The following IPP variants were observed in gnomAD, a reference collection of about 807,000 sequenced individuals.
IPP encodes actin-binding protein IPP.
IPP carries 41 observed loss-of-function variants against 64.1 expected under a neutral mutation model. That is an observed-to-expected ratio of 0.64 (90% CI 0.50 to 0.83). The LOEUF (loss-of-function observed/expected upper bound fraction) is 0.83, where lower values mean the gene tolerates loss of function less well. Ranked by LOEUF, IPP falls within the 40% of genes least tolerant of loss-of-function variation. The pLI is 0.00. For synonymous variants in IPP, 214 were observed against 235.2 expected, an observed-to-expected ratio of 0.91 and a Z score of 0.83; for missense variants, 649 against 703.0, an observed-to-expected ratio of 0.92 and a Z score of 0.87.
intron 5 of IPP, among the ~76,000 whole-genome samples, chr1:45,724,428 G>T (rs1175230573): frequency 6.6e-6 from 1 of 151,914 alleles, no homozygotes; most frequent in Non-Finnish European, 1.5e-5. Flanking sequence ...GAGCGTCTCT[G>T]CCTGGCCGCC....
intron 3 of IPP, among the ~76,000 whole-genome samples, chr1:45,737,022 G>A (rs566660626): frequency 2.4e-5 from 3 of 124,844 alleles, no homozygotes; most frequent in East Asian, 2.3e-4. Flanking sequence ...CAGCCTGGGC[G>A]ACAGAGCGAG....
rs1274247344 is a variant in IPP, at chr1:45,699,994, C to T, written c.1727G>A (p.Arg576His). Residue 576 changes from arginine (R) to histidine (H), a missense_variant, in exon 9 of 9, where the codon CGT (arginine) becomes CAT (histidine). By Grantham distance (29) the Arg-to-His change is conservative (BLOSUM62 0). Coordinates refer to ENST00000396478, the MANE Select transcript of IPP (RefSeq NM_005897.3). ...WTEIGNMITS[R>H]CEGGVAVL ...TAGCACAGCAACGCCCCCTTCACAA[C>T]GACTGGTGATCATGTTACCAATTTC... 1.9e-6 allele frequency: 3 copies of T among 1,614,074 alleles called. No individual in the cohort carries two copies. The highest frequency in any genetic ancestry group is 1.3e-5 in the African/African-American group (1 of 74,922).
In IPP at chr1:45,709,432, C is replaced by CAAAA. The variant is rs71058701; in HGVS notation, c.1530+4810_1530+4813dup. ...TGGGCGACAGAGCAAGACTCCGTCT[C>CAAAA]AAAAAAAAAAAAAAAAAGAGAAGCT... On this transcript the variant is annotated intron_variant, in intron 8 of 8. Transcript: ENST00000396478. Among the ~76,000 whole-genome samples the CAAAA allele has an allele frequency of 1.5e-3, 97 of 66,150 alleles. 3 individuals carry two copies. Among genetic ancestry groups the CAAAA allele is most frequent in the African/African-American group, 3.3e-3 (43 of 13,128 alleles). The allele number at this position is 66,150 out of a possible 152,430, so 43.4% of individuals were successfully genotyped here. A position where few individuals can be genotyped will look rare whatever the true frequency, so the allele number is the denominator to read the frequency against.
At chr1:45,728,105 T>C (rs1645856063) in intron 4 of IPP, among the ~76,000 whole-genome samples, 1 of 150,716 alleles carries the variant, frequency 6.6e-6, no homozygotes. Context: ...TCTTTTTCAA[T>C]TAAAAATAGT....
intron 8 of IPP, among the ~76,000 whole-genome samples, chr1:45,704,068 G>C (rs1475485871): frequency 1.3e-5 from 2 of 152,078 alleles, no homozygotes; most frequent in African/African-American, 2.4e-5. Context: ...AAGCATAATT[G>C]TGTCAACCCA....
At chr1:45,721,330 T>A (rs1020399069) in intron 5 of IPP, among the ~76,000 whole-genome samples, 4 of 152,210 alleles carry the variant, frequency 2.6e-5, no homozygotes, top group Admixed American at 2.6e-4. Flanking sequence ...GAACACACGC[T>A]TTCCTTCTGA....
Position 45,699,337 on chromosome 1 carries a change from T to C in IPP, c.*629A>G. The C allele has an allele frequency of 1.0e-6, 1 of 985,256 alleles. No homozygotes were observed. Among genetic ancestry groups the C allele is most frequent in the Non-Finnish European group, 1.2e-6 (1 of 829,784 alleles). The allele number at this position is 985,256 out of a possible 1,614,324, so 61.0% of individuals were successfully genotyped here. On this transcript the variant is annotated 3_prime_UTR_variant, in exon 9 of 9. Coordinates refer to ENST00000396478, the MANE Select transcript of IPP (RefSeq NM_005897.3). Reference sequence around the variant, plus strand: ...TTCTCTGTGGCTCAAACTATGGCCATGGAAAATTATGCTCTGGATATAATT... The same window carrying C: ...TTCTCTGTGGCTCAAACTATGGCCACGGAAAATTATGCTCTGGATATAATT...
chr1:45,699,942 T>C lies in IPP; in HGVS notation c.*24A>G, dbSNP rs1645429681. On this transcript the variant is annotated 3_prime_UTR_variant, in exon 9 of 9. Coordinates refer to ENST00000396478, the MANE Select transcript of IPP (RefSeq NM_005897.3). ...AGGTCCTGCATTTTCAAAATGTTCCTTGTGCTCTGTTATGCTTTATATTTC... is the reference window on the plus strand; with the variant it reads ...AGGTCCTGCATTTTCAAAATGTTCCCTGTGCTCTGTTATGCTTTATATTTC... The C allele has an allele frequency of 6.2e-7, 1 of 1,610,142 alleles. No individual in the cohort carries two copies. The highest frequency in any genetic ancestry group is 1.3e-5 in the African/African-American group (1 of 74,924).
chr1:45,705,240 T>C (rs2148548733), intron 8 of IPP, among the ~76,000 whole-genome samples: 1 of 152,388 alleles, frequency 6.6e-6, no homozygotes. Flanking sequence ...GTACTCTAAG[T>C]GTGTACATCT....
At chr1:45,747,956 G>A (rs1305740074) in intron 1 of IPP, among the ~76,000 whole-genome samples, 1 of 151,140 alleles carries the variant, frequency 6.6e-6, no homozygotes, top group Non-Finnish European at 1.5e-5. Context: ...CAATGACAAT[G>A]GGTAATAAGA....
chr1:45,698,597 G>A (rs903612186), downstream of IPP: 6 of 780,350 alleles, frequency 7.7e-6, no homozygotes, highest in African/African-American at 1.1e-4. Context: ...TCTTACTTAG[G>A]TTTGCCCAAG....
intron 2 of IPP, among the ~76,000 whole-genome samples, chr1:45,745,538 G>A (rs936395888): frequency 1.3e-5 from 2 of 152,008 alleles, no homozygotes; most frequent in Admixed American, 1.3e-4. Flanking sequence ...ACTGAGACAA[G>A]ATTTTATTCA....
At chr1:45,747,092 C>T (rs1307574661) in intron 1 of IPP, among the ~76,000 whole-genome samples, 1 of 151,946 alleles carries the variant, frequency 6.6e-6, no homozygotes, top group African/African-American at 2.4e-5. Context: ...CCACCCTACT[C>T]TTAGTGCGCG....
intron 4 of IPP, among the ~76,000 whole-genome samples, chr1:45,728,156 G>GTA (rs1645857918): frequency 1.3e-5 from 2 of 151,016 alleles, no homozygotes; most frequent in Admixed American, 6.6e-5. Flanking sequence ...GTGTGTGTGT[G>GTA]TGTGTGTGTG....
chr1:45,741,259 A>G lies in IPP; in HGVS notation c.366T>C (p.Val122=). The change falls in exon 3 of 9, where the codon GTT becomes GTC. Residue 122 remains valine (V), a synonymous_variant. Transcript: ENST00000396478. ...TCAGAAATTCACAGCAAAGATGAAC[A>G]ACTTCAGTCAACTGTAGCATGTCTG... ...IAADMLQLTE[V]VHLCCEFLKG... 6.2e-7 allele frequency: 1 copy of G among 1,614,058 alleles called. No homozygotes were observed. The highest frequency in any genetic ancestry group is 8.5e-7 in the Non-Finnish European group (1 of 1,179,904).
chr1:45,718,668 A>G (rs905158556), intron 6 of IPP, among the ~76,000 whole-genome samples: 1 of 152,218 alleles, frequency 6.6e-6, no homozygotes, highest in African/African-American at 2.4e-5. Flanking sequence ...TTTTTAAAAA[A>G]AGAATGTAAA....
chr1:45,705,360 C>T (rs556549219), intron 8 of IPP, among the ~76,000 whole-genome samples: 16 of 152,116 alleles, frequency 1.1e-4, no homozygotes, highest in Non-Finnish European at 1.9e-4. Context: ...ATATTTCTGC[C>T]GGAAAATAAA....
chr1:45,739,217 C>T (rs1196892501), intron 3 of IPP, among the ~76,000 whole-genome samples: 1 of 152,052 alleles, frequency 6.6e-6, no homozygotes, highest in Non-Finnish European at 1.5e-5. Context: ...TCAATAGCAA[C>T]CTAATCTTTC....
intron 7 of IPP, among the ~76,000 whole-genome samples, chr1:45,716,446 C>T (rs920561523): frequency 9.2e-5 from 14 of 152,072 alleles, no homozygotes; most frequent in African/African-American, 3.1e-4. Flanking sequence ...GGTTTCACCA[C>T]GTTGGCCAGG....
Sources: gnomAD v4.1 joint callset for allele counts (sites outside exome capture counted in the v4.1 genomes callset) on GRCh38, gnomAD v4.1.1 for gene constraint, MANE v1.5 for transcripts, NCBI Gene and HGNC (gene_info 2026-07-23, HGNC 2026-07-21) for gene names.